OR51B5: variants seen among roughly 807,000 people sequenced by gnomAD.
The protein encoded by OR51B5 is olfactory receptor family 51 subfamily B member 5.
For missense variants in OR51B5, 456 were observed against 374.6 expected, an observed-to-expected ratio of 1.22 and a Z score of -1.79; for synonymous variants, 186 against 144.8, an observed-to-expected ratio of 1.28 and a Z score of -2.04.
chr11:5,387,735 T>TAGG, intron 1 of OR51B5, among the ~76,000 whole-genome samples: 2 of 151,824 alleles, frequency 1.3e-5, no homozygotes, highest in Non-Finnish European at 2.9e-5. Flanking sequence ...TCCTTGAATG[T>TAGG]TTTTCCCTAA....
chr11:5,354,443 A>T (rs1849154974), intron 1 of OR51B5, among the ~76,000 whole-genome samples: 1 of 151,906 alleles, frequency 6.6e-6, no homozygotes, highest in Non-Finnish European at 1.5e-5. Flanking sequence ...TCTTCCTTAT[A>T]CTGAAGAGAT....
chr11:5,379,413 A>G (rs1446266381), intron 1 of OR51B5, among the ~76,000 whole-genome samples: 1 of 152,088 alleles, frequency 6.6e-6, no homozygotes, highest in Non-Finnish European at 1.5e-5. Context: ...ATACATATGT[A>G]ACTAACCGGC....
intron 1 of OR51B5, among the ~76,000 whole-genome samples, chr11:5,433,854 T>C (rs1256215534): frequency 6.6e-6 from 1 of 151,794 alleles, no homozygotes; most frequent in Non-Finnish European, 1.5e-5. Context: ...AAAAAAGAAC[T>C]ATGACTATGG....
chr11:5,343,513 G>C lies in OR51B5; in HGVS notation c.12C>G (p.Ser4Arg), dbSNP rs201732422. ...TCAATAGGAAGGGATGGGAGCTGCC[G>C]CTGGACGACATCCTGGGTTTATATA... is the stretch of plus-strand genomic sequence containing the variant. Residue 4 changes from serine to arginine, a missense_variant, in exon 1 of 1, where the codon AGC (serine) becomes AGG (arginine). By Grantham distance (110) the Ser-to-Arg change is moderately radical (BLOSUM62 -1). Coordinates refer to ENST00000300773, the Ensembl canonical transcript of OR51B5. The C allele has an allele frequency of 9.7e-6, 9 of 929,652 alleles. No homozygotes were observed. The East Asian group carries it at 1.9e-4, about 20-fold the overall frequency. 57.6% of individuals were successfully genotyped at this position (929,652 alleles called of 1,614,324 possible).
chr11:5,390,130 GGAGCAGCGCC>G (rs1229086647), intron 1 of OR51B5: 1 of 1,613,790 alleles, frequency 6.2e-7, no homozygotes, highest in Non-Finnish European at 8.5e-7. Flanking sequence ...CCTCCCAAGA[GGAGCAGCGCC>G]GTGCCTTTCA....
chr11:5,416,107 C>G (rs1226471923), intron 1 of OR51B5, among the ~76,000 whole-genome samples: 2 of 149,860 alleles, frequency 1.3e-5, no homozygotes, highest in Non-Finnish European at 3.0e-5. Context: ...CCCTGGGATG[C>G]AAGGCTGGTT....
rs1274976323 is a variant in OR51B5 at position 5,427,994 on chromosome 11, A to C, written n.84+77575T>G. 2.0e-5 allele frequency among the ~76,000 whole-genome samples: 3 copies of C among 152,234 alleles called. No individual in the cohort carries two copies. In the East Asian group the frequency reaches 5.8e-4, roughly 29 times the overall value. ...AAAAGGTACTGATGTAAAATATCTG[A>C]CTGTTAAAGAACATGTTCATGTATT... On this transcript the variant is annotated intron_variant and non_coding_transcript_variant, in intron 1 of 4. Coordinates refer to the OR51B5 transcript ENST00000415970.
intron 1 of OR51B5, among the ~76,000 whole-genome samples, chr11:5,387,056 A>T (rs1355056142): frequency 6.6e-6 from 1 of 152,136 alleles, no homozygotes; most frequent in Non-Finnish European, 1.5e-5. Context: ...AATGTCTAAG[A>T]GCCACCACTG....
intron 1 of OR51B5, among the ~76,000 whole-genome samples, chr11:5,411,148 G>A (rs1474119655): frequency 6.6e-6 from 1 of 152,212 alleles, no homozygotes; most frequent in Admixed American, 6.5e-5. Flanking sequence ...GATTCACTCA[G>A]AGCAACTTTC....
At chr11:5,375,920 A>G (rs141206852) in intron 1 of OR51B5, among the ~76,000 whole-genome samples, 40,506 of 151,618 alleles carry the variant, frequency 0.27, 5,683 homozygotes, top group African/African-American at 0.32. Context: ...AAAGTTAACA[A>G]GGATATCCAG....
intron 1 of OR51B5, chr11:5,422,172 T>A: frequency 1.3e-6 from 2 of 1,502,644 alleles, no homozygotes; most frequent in Non-Finnish European, 9.1e-7. Flanking sequence ...TGAGTGAAGA[T>A]CCTGAATCTG....
chr11:5,471,652 T>A (rs1055332804), intron 1 of OR51B5, among the ~76,000 whole-genome samples: 16 of 136,138 alleles, frequency 1.2e-4, no homozygotes, highest in Admixed American at 8.9e-4. Flanking sequence ...AAAAAAAAAA[T>A]TGATCAAATA....
intron 1 of OR51B5, among the ~76,000 whole-genome samples, chr11:5,460,119 C>T (rs183117594): frequency 2.6e-3 from 403 of 152,172 alleles, no homozygotes; most frequent in Middle Eastern, 6.8e-3. Flanking sequence ...AGCTAAAGGC[C>T]ATTATTCTTA....
chr11:5,476,061 T>C (rs1253717376), intron 1 of OR51B5, among the ~76,000 whole-genome samples: 1 of 152,224 alleles, frequency 6.6e-6, no homozygotes, highest in Non-Finnish European at 1.5e-5. Flanking sequence ...TACTCACTTT[T>C]CTACCTTAAT....
intron 1 of OR51B5, chr11:5,352,460 GT>G: frequency 6.6e-7 from 1 of 1,506,816 alleles, no homozygotes; most frequent in Non-Finnish European, 9.1e-7. Flanking sequence ...TGTTTCACTG[GT>G]CTCTGAGGAA....
intron 1 of OR51B5, among the ~76,000 whole-genome samples, chr11:5,463,294 A>G (rs1189381810): frequency 6.6e-6 from 1 of 152,240 alleles, no homozygotes; most frequent in Non-Finnish European, 1.5e-5. Context: ...TGTAAAGTAT[A>G]ATTGCCAGCC....
chr11:5,488,002 T>C (rs553349434), intron 1 of OR51B5, among the ~76,000 whole-genome samples: 2 of 38,264 alleles, frequency 5.2e-5, no homozygotes, highest in South Asian at 1.7e-3. Context: ...ATTTGGCACA[T>C]AACAAATGCA....
At chr11:5,389,866 A>C (rs1849765852) in intron 1 of OR51B5, 2 of 1,613,534 alleles carry the variant, frequency 1.2e-6, no homozygotes, top group African/African-American at 1.3e-5. Context: ...TGGTCAGAGC[A>C]GGCCTAATTG....
rs1283918998 is a variant in OR51B5, at chr11:5,359,467, C to T, written n.85-12557G>A. Reference sequence around the variant, plus strand: ...TGAAGGACCTCTTCAAGGAGAACTACAAACCACTGCTGAATGAAATAAAAG... The same window carrying T: ...TGAAGGACCTCTTCAAGGAGAACTATAAACCACTGCTGAATGAAATAAAAG... On this transcript the variant is annotated intron_variant and non_coding_transcript_variant, in intron 1 of 4. Coordinates refer to the OR51B5 transcript ENST00000415970. 6.4e-5 allele frequency among the ~76,000 whole-genome samples: 8 copies of T among 125,650 alleles called. 1 individual carries two copies. The highest frequency in any genetic ancestry group is 1.3e-4 in the Non-Finnish European group (7 of 55,850). 82.4% of individuals were successfully genotyped at this position (125,650 alleles called of 152,430 possible).
Sources: allele counts gnomAD v4.1 joint callset (sites outside exome capture counted in the v4.1 genomes callset), GRCh38; gene constraint gnomAD v4.1.1; transcripts MANE v1.5; gene names NCBI Gene and HGNC (gene_info 2026-07-23, HGNC 2026-07-21).